Variants in COL4A3 observed in about 807,000 individuals in gnomAD.
The protein encoded by COL4A3 is collagen type IV alpha 3 chain.
In COL4A3, 135 loss-of-function variants were observed where a neutral mutation model predicts 217.4. That is an observed-to-expected ratio of 0.62 (90% CI 0.54 to 0.72). COL4A3 has a LOEUF of 0.72. Ranked by LOEUF, COL4A3 falls within the 30% of genes least tolerant of loss-of-function variation. COL4A3 has a pLI of 0.00. For synonymous variants in COL4A3, 690 were observed against 736.3 expected (o/e 0.94, Z 1.02); for missense variants, 1,868 against 2,119.9 (o/e 0.88, Z 2.33).
intron 15 of COL4A3, among the ~76,000 whole-genome samples, chr2:227,255,557 T>A (rs545069044): frequency 2.0e-5 from 3 of 152,178 alleles, no homozygotes; most frequent in Admixed American, 1.3e-4. Flanking sequence ...AAACTGCCGG[T>A]TGAGATACCA....
intron 23 of COL4A3, among the ~76,000 whole-genome samples, chr2:227,269,564 T>A (rs576015820): frequency 1.4e-4 from 22 of 152,312 alleles, no homozygotes; most frequent in African/African-American, 5.1e-4. Context: ...TTGGCAAATA[T>A]TATCTTCTGG....
Position 227,240,171 on chromosome 2 carries a change from G to A in COL4A3, c.173G>A (p.Gly58Asp), listed in dbSNP as rs1007587977. 1.9e-6 allele frequency: 3 copies of A among 1,611,278 alleles called. No homozygotes were observed. The highest frequency in any genetic ancestry group is 1.1e-5 in the South Asian group (1 of 90,190). ...KGEKGFPGPP[G>D]SPGQKGFTGP... ...GAGAAGGGCTTTCCTGGACCCCCCG[G>A]TTCTCCTGGCCAGAAAGGATTCACA... The change falls in exon 3 of 52, where the codon GGT becomes GAT. Residue 58 changes from glycine (G) to aspartate (D), a missense_variant. By Grantham distance (94) the Gly-to-Asp change is moderately conservative. Coordinates refer to ENST00000396578, the MANE Select transcript of COL4A3 (RefSeq NM_000091.5).
intron 1 of COL4A3, among the ~76,000 whole-genome samples, chr2:227,179,888 A>G (rs1173760115): frequency 6.6e-6 from 1 of 152,222 alleles, no homozygotes; most frequent in Non-Finnish European, 1.5e-5. Context: ...GAGAGGAGGA[A>G]TAAGATTGAT....
At position 227,234,294 on chromosome 2, in the gene COL4A3, T is replaced by C. The variant is rs573754447; in HGVS notation, c.88-3674T>C. Among the ~76,000 whole-genome samples, 3 of 152,308 alleles carry C rather than the reference T, an allele frequency of 2.0e-5. No individual in the cohort carries two copies. In the South Asian group the frequency reaches 6.2e-4, roughly 32 times the overall value. On this transcript the variant is annotated intron_variant, in intron 1 of 51. Transcript: ENST00000396578. ...AGTGTTTCCGGTACTGTTTGTCAGC[T>C]CTTCTGAGGGTTGGGTTTAAACTTT...
chr2:227,215,167 T>A (rs567852124), intron 1 of COL4A3, among the ~76,000 whole-genome samples: 1 of 152,234 alleles, frequency 6.6e-6, no homozygotes, highest in East Asian at 1.9e-4. Flanking sequence ...ATTTTTTTTT[T>A]AATGAAAAGT....
At chr2:227,299,075 C>G (rs895818220) in intron 43 of COL4A3, among the ~76,000 whole-genome samples, 61 of 152,198 alleles carry the variant, frequency 4.0e-4, no homozygotes, top group Middle Eastern at 3.4e-3. Context: ...AGAATGAGTG[C>G]CAAGCAAAAG....
intron 1 of COL4A3, among the ~76,000 whole-genome samples, chr2:227,218,419 T>C (rs1212669900): frequency 6.6e-6 from 1 of 152,018 alleles, no homozygotes; most frequent in East Asian, 1.9e-4. Context: ...TGAGTGGAGA[T>C]TGTGCCACTG....
Position 227,245,213 on chromosome 2 carries a change from A to G in COL4A3, c.324+218A>G, listed in dbSNP as rs564043980. On this transcript the variant is annotated intron_variant, in intron 5 of 51. Coordinates refer to ENST00000396578, the MANE Select transcript of COL4A3 (RefSeq NM_000091.5). ...CAAGCAGGACAGGATAGGATAGGGTAGGATAATTAGTAAATTATATGGTAA... is the reference window on the plus strand; with the variant it reads ...CAAGCAGGACAGGATAGGATAGGGTGGGATAATTAGTAAATTATATGGTAA... 7.9e-5 allele frequency among the ~76,000 whole-genome samples: 12 copies of G among 152,264 alleles called. No individual in the cohort carries two copies. The South Asian group carries it at 8.3e-4, about 11-fold the overall frequency.
chr2:227,204,792 C>T (rs2067037084), intron 1 of COL4A3, among the ~76,000 whole-genome samples: 1 of 152,220 alleles, frequency 6.6e-6, no homozygotes, highest in African/African-American at 2.4e-5. Flanking sequence ...TACTGTGTAT[C>T]TGGATCCTCA....
At chr2:227,302,676 CCAAAA>C (rs2073339462) in intron 43 of COL4A3, among the ~76,000 whole-genome samples, 1 of 15,282 alleles carries the variant, frequency 6.5e-5, no homozygotes, top group African/African-American at 3.6e-4. Flanking sequence ...GACTCTTTCT[CCAAAA>C]AAAAAAAAAA....
intron 1 of COL4A3, among the ~76,000 whole-genome samples, chr2:227,192,605 C>T (rs961724166): frequency 6.6e-6 from 1 of 152,162 alleles, no homozygotes; most frequent in African/African-American, 2.4e-5. Context: ...TCTCATGTGC[C>T]CCAAGTCCTC....
rs1291948462 is a variant in COL4A3, at chr2:227,307,808, C to G, written c.4351C>G (p.His1451Asp). ...AACGAGAGGCTTTGTCTTCACCCGACACAGTCAAACCACAGCAATTCCTTC... is the reference window on the plus strand; with the variant it reads ...AACGAGAGGCTTTGTCTTCACCCGAGACAGTCAAACCACAGCAATTCCTTC... ...WTTRGFVFTR[H>D]SQTTAIPSCP... The change falls in exon 48 of 52, where the codon CAC becomes GAC. Residue 1451 changes from histidine (H) to aspartate (D), a missense_variant. By Grantham distance (81) the His-to-Asp change is moderately conservative. Transcript: ENST00000396578. The G allele has an allele frequency of 1.9e-5, 31 of 1,614,050 alleles. No individual in the cohort carries two copies. Among genetic ancestry groups the G allele is most frequent in the Non-Finnish European group, 2.5e-5 (30 of 1,180,024 alleles).
chr2:227,292,054 T>A (rs2106220259), intron 37 of COL4A3, among the ~76,000 whole-genome samples: 1 of 152,382 alleles, frequency 6.6e-6, no homozygotes, highest in Middle Eastern at 3.4e-3. Context: ...GCAAAATGTT[T>A]GAAAATGTTT....
chr2:227,190,813 G>A (rs758918561), intron 1 of COL4A3, among the ~76,000 whole-genome samples: 2 of 152,164 alleles, frequency 1.3e-5, no homozygotes, highest in Non-Finnish European at 2.9e-5. Context: ...AGGCTGATGT[G>A]GGAGGATCGC....
intron 1 of COL4A3, among the ~76,000 whole-genome samples, chr2:227,209,758 C>G (rs1325800511): frequency 6.6e-6 from 1 of 152,222 alleles, no homozygotes; most frequent in African/African-American, 2.4e-5. Context: ...AGGAGAATCA[C>G]TTGAACCTGG....
rs2106288256 is a variant in COL4A3, at chr2:227,308,963, T to C, written c.4527T>C (p.Asp1509=). The change falls in exon 49 of 52, where the codon GAT becomes GAC. Residue 1509 remains aspartate (D), a synonymous_variant. Coordinates refer to ENST00000396578, the MANE Select transcript of COL4A3 (RefSeq NM_000091.5). ...CATTCTTATTCTGCAATGTCAATGATGTATGTAATTTTGCATCTCGAAATG... is the reference window on the plus strand; with the variant it reads ...CATTCTTATTCTGCAATGTCAATGACGTATGTAATTTTGCATCTCGAAATG... ...TMPFLFCNVN[D]VCNFASRNDY... The C allele has an allele frequency of 5.0e-6, 8 of 1,614,230 alleles. No individual in the cohort carries two copies. Among genetic ancestry groups the C allele is most frequent in the Non-Finnish European group, 6.8e-6 (8 of 1,180,036 alleles).
intron 6 of COL4A3, chr2:227,246,398 C>A: frequency 1.9e-6 from 1 of 519,972 alleles, no homozygotes; most frequent in Non-Finnish European, 3.4e-6. Flanking sequence ...GAATGGTGGC[C>A]ATGAATGAAC....
intron 31 of COL4A3, among the ~76,000 whole-genome samples, chr2:227,281,550 G>A (rs1300695705): frequency 6.6e-6 from 1 of 152,196 alleles, no homozygotes; most frequent in African/African-American, 2.4e-5. Context: ...CTCCTCATCA[G>A]ATCTGATGAA....
Position 227,293,330 on chromosome 2 carries a change from T to C in COL4A3, c.3337+13T>C. ...CCTGGCCTCCCAGGTAAGGCTTGAGTTTACAATTCTAAAAGCTGGAAGCAT... is the reference window on the plus strand; with the variant it reads ...CCTGGCCTCCCAGGTAAGGCTTGAGCTTACAATTCTAAAAGCTGGAAGCAT... On this transcript the variant is annotated intron_variant, in intron 38 of 51. Transcript: ENST00000396578. The C allele has an allele frequency of 6.2e-7, 1 of 1,613,564 alleles. No homozygotes were observed. Among genetic ancestry groups the C allele is most frequent in the Non-Finnish European group, 8.5e-7 (1 of 1,179,912 alleles).
Sources: gnomAD v4.1 joint callset for allele counts (sites outside exome capture counted in the v4.1 genomes callset) on GRCh38, gnomAD v4.1.1 for gene constraint, MANE v1.5 for transcripts, NCBI Gene and HGNC (gene_info 2026-07-23, HGNC 2026-07-21) for gene names.